The following SLC5A4 variants were observed in gnomAD, a reference collection of about 807,000 sequenced individuals.
The protein encoded by SLC5A4 is solute carrier family 5 member 4, also known as probable glucose sensor protein SLC5A4.
SLC5A4 carries 55 observed loss-of-function variants against 70.3 expected under a neutral mutation model. The ratio of observed to expected loss-of-function variants is 0.78; its 90% CI spans 0.63 to 0.98. The LOEUF (loss-of-function observed/expected upper bound fraction) is 0.98. Among genes scored for constraint, SLC5A4 ranks in the 50% least tolerant of loss-of-function variants. SLC5A4 has a pLI of 0.00. For synonymous variants in SLC5A4, 268 were observed against 305.7 expected (o/e 0.88, Z 1.29); for missense variants, 735 against 839.2 (o/e 0.88, Z 1.53).
At chr22:32,269,140 C>G in the SLC5A4 span, among the ~76,000 whole-genome samples, 1 of 152,198 alleles carries the variant, frequency 6.6e-6, no homozygotes, top group East Asian at 1.9e-4. The surrounding 1 kb of genome is among the most constrained non-coding windows in gnomAD (Gnocchi z 4.1). Context: ...ATCTGCCCAC[C>G]CTGGCCTCCC....
At chr22:32,271,822 T>C in the SLC5A4 span, 1 of 604,078 alleles carries the variant, frequency 1.7e-6, no homozygotes, top group African/African-American at 1.8e-5. Context: ...TGTCCTATGA[T>C]TCCCCGTGGC....
At chr22:32,312,656 C>T in the SLC5A4 span, among the ~76,000 whole-genome samples, 7 of 151,976 alleles carry the variant, frequency 4.6e-5, no homozygotes, top group Non-Finnish European at 1.0e-4. Context: ...TGAGTTTGCT[C>T]GTAATCTTAG....
chr22:32,331,731 A>G, the SLC5A4 span, among the ~76,000 whole-genome samples: 3 of 152,160 alleles, frequency 2.0e-5, no homozygotes, highest in South Asian at 6.2e-4. Context: ...ACATCGCAGG[A>G]GCGACAGGCG....
chr22:32,272,073 G>C, the SLC5A4 span: 1 of 648,064 alleles, frequency 1.5e-6, no homozygotes, highest in Non-Finnish European at 2.8e-6. Context: ...TGCCAGGATT[G>C]AGCTGCAGAA....
chr22:32,343,610 A>T, the SLC5A4 span, among the ~76,000 whole-genome samples: 9 of 152,328 alleles, frequency 5.9e-5, no homozygotes, highest in Non-Finnish European at 1.0e-4. Flanking sequence ...CATTGCTTAC[A>T]TCCATAAGCA....
chr22:32,301,814 A>G, the SLC5A4 span, among the ~76,000 whole-genome samples: 2 of 146,930 alleles, frequency 1.4e-5, no homozygotes, highest in African/African-American at 5.1e-5. Flanking sequence ...GAATAGGTAT[A>G]TTAATCAAAG....
chr22:32,305,565 G>A, the SLC5A4 span, among the ~76,000 whole-genome samples: 5 of 148,506 alleles, frequency 3.4e-5, no homozygotes, highest in Non-Finnish European at 7.4e-5. Flanking sequence ...TGGGCCCCAG[G>A]TGAGGTGGGA....
the SLC5A4 span, chr22:32,272,897 A>C: frequency 1.9e-6 from 1 of 518,118 alleles, no homozygotes. Context: ...GTGCTGCCAC[A>C]CCACACAGGC....
At chr22:32,254,113 T>G (rs1180150528) in intron 2 of SLC5A4, 29 bp downstream of exon 2, 11 of 1,582,036 alleles carry the variant, frequency 7.0e-6, no homozygotes, top group Non-Finnish European at 9.6e-6. Flanking sequence ...CACAGGAAAT[T>G]TATCTCCAGA....
At chr22:32,353,402 G>A in the SLC5A4 span, among the ~76,000 whole-genome samples, 2,261 of 152,166 alleles carry the variant, frequency 0.015, 57 homozygotes, top group African/African-American at 0.052. Flanking sequence ...ACACATAGAG[G>A]GCGCGGGCCT....
At chr22:32,241,615 C>T (rs190771463) in intron 5 of SLC5A4, among the ~76,000 whole-genome samples, 50 of 152,150 alleles carry the variant, frequency 3.3e-4, no homozygotes, top group Admixed American at 2.3e-3. Context: ...GAGGCCAAAG[C>T]GGGTGGATCA....
chr22:32,309,202 G>C, the SLC5A4 span, among the ~76,000 whole-genome samples: 1 of 152,176 alleles, frequency 6.6e-6, no homozygotes, highest in South Asian at 2.1e-4. Flanking sequence ...GTTCTGAATA[G>C]AGATTCCAAA....
the SLC5A4 span, among the ~76,000 whole-genome samples, chr22:32,335,104 T>TA: frequency 1.1e-4 from 16 of 152,002 alleles, no homozygotes; most frequent in Non-Finnish European, 2.2e-4. Flanking sequence ...CAGCCTAGGG[T>TA]AGGTGGTCGG....
the SLC5A4 span, among the ~76,000 whole-genome samples, chr22:32,328,089 A>AC: frequency 1.3e-5 from 1 of 78,196 alleles, no homozygotes; most frequent in Non-Finnish European, 4.3e-5. Flanking sequence ...CAGAGCCCCC[A>AC]ACACACAAAC....
the SLC5A4 span, among the ~76,000 whole-genome samples, chr22:32,343,262 T>C: frequency 5.9e-5 from 9 of 152,242 alleles, no homozygotes; most frequent in African/African-American, 1.9e-4. Context: ...GTTCTGGCCA[T>C]AGAGACATAG....
upstream of SLC5A4, among the ~76,000 whole-genome samples, chr22:32,258,930 T>C (rs1927617516): frequency 6.6e-6 from 1 of 152,326 alleles, no homozygotes; most frequent in African/African-American, 2.4e-5. Flanking sequence ...ACAATGTGCA[T>C]GAACCTTGAG....
chr22:32,237,162 C>A (rs1375689175), intron 7 of SLC5A4, 82 bp downstream of exon 7: 33 of 930,292 alleles, frequency 3.5e-5, no homozygotes, highest in Non-Finnish European at 5.7e-5. Flanking sequence ...GGAAGGCATC[C>A]CAATAAAGAG....
chr22:32,270,926 T>G, the SLC5A4 span: 1 of 566,976 alleles, frequency 1.8e-6, no homozygotes, highest in Non-Finnish European at 3.3e-6. Context: ...CAGTGGCATG[T>G]TCACCACTGA....
the SLC5A4 span, among the ~76,000 whole-genome samples, chr22:32,353,151 C>T: frequency 6.6e-6 from 1 of 152,178 alleles, no homozygotes; most frequent in Admixed American, 6.5e-5. Context: ...CCCAAGTTGG[C>T]CAGGAACTAG....
Sources: gnomAD v4.1 joint callset for allele counts (sites outside exome capture counted in the v4.1 genomes callset) on GRCh38, gnomAD v4.1.1 for gene constraint, Gnocchi (gnomAD v3.1) non-coding constraint, MANE v1.5 for transcripts, NCBI Gene and HGNC (gene_info 2026-07-23, HGNC 2026-07-21) for gene names.